KAT14: variants seen among roughly 807,000 people sequenced by gnomAD.
KAT14 encodes lysine acetyltransferase 14.
In KAT14, 66 loss-of-function variants were observed where a neutral mutation model predicts 78.4. The observed-to-expected ratio is 0.84, with a 90% CI of 0.69 to 1.03. The LOEUF (loss-of-function observed/expected upper bound fraction) is 1.03. Among genes scored for constraint, KAT14 ranks in the 50% least tolerant of loss-of-function variants. The pLI, the probability that KAT14 is intolerant of heterozygous loss-of-function variation, is 0.00. For missense variants in KAT14, 870 were observed against 972.5 expected (o/e 0.89, Z 1.40); for synonymous variants, 344 against 359.4 (o/e 0.96, Z 0.48).
chr20:18,186,759 G>C (rs76425071), intron 10 of KAT14, among the ~76,000 whole-genome samples: 1,554 of 152,240 alleles, frequency 0.01, 26 homozygotes, highest in African/African-American at 0.036. Flanking sequence ...AGAGACAGAA[G>C]GTGGACTTTG....
chr20:18,159,337 T>G, intron 5 of KAT14, 72 bp downstream of exon 5: 1 of 1,532,540 alleles, frequency 6.5e-7, no homozygotes, highest in South Asian at 1.3e-5. Flanking sequence ...CAGGAGACGC[T>G]CCTGCTTCCA....
chr20:18,162,005 C>T lies in KAT14; in HGVS notation c.865C>T (p.Pro289Ser). ...GFLDRSTSST[P>S]VKFISRGRRP... ...TCTTGACAGGAGCACATCTTCTACC[C>T]CTGTAAAATTCATAAGCCGAGGCCG... The change falls in exon 6 of 11, where the codon CCT becomes TCT. Residue 289 changes from proline to serine, a missense_variant. Transcript: ENST00000688188. The T allele has an allele frequency of 6.2e-7, 1 of 1,614,248 alleles. No homozygotes were observed. Among genetic ancestry groups the T allele is most frequent in the Non-Finnish European group, 8.5e-7 (1 of 1,180,048 alleles).
chr20:18,140,788 C>T lies in KAT14; in HGVS notation c.-453-1420C>T, dbSNP rs561630327. On this transcript the variant is annotated intron_variant, in intron 1 of 10. Coordinates refer to ENST00000688188, the MANE Select transcript of KAT14 (RefSeq NM_001392073.1). ...GATCGTGCCATGGAGCCAAGATCTC[C>T]AGCCTGGGTGACAGAACGAGACTCC... Among the ~76,000 whole-genome samples, 261 of 133,908 alleles carry T rather than the reference C, an allele frequency of 1.9e-3. 1 individual carries two copies. Among genetic ancestry groups the T allele is most frequent in the East Asian group, 9.3e-4 (4 of 4,282 alleles). The allele number at this position is 133,908 out of a possible 152,430, so 87.8% of individuals were successfully genotyped here.
intron 7 of KAT14, among the ~76,000 whole-genome samples, chr20:18,164,133 G>A (rs1040396701): frequency 2.0e-5 from 3 of 152,172 alleles, no homozygotes; most frequent in Non-Finnish European, 2.9e-5. Flanking sequence ...CCCTACTCCA[G>A]ATAGATCCTC....
In KAT14 at chr20:18,137,894, T is replaced by C; in HGVS notation, c.-611T>C. ...GGGCAGTACAGGCGGCGGTGCGCACTCTGCGGCGGCCTCTGCGCCTCGGGC... is the reference window on the plus strand; with the variant it reads ...GGGCAGTACAGGCGGCGGTGCGCACCCTGCGGCGGCCTCTGCGCCTCGGGC... On this transcript the variant is annotated 5_prime_UTR_variant, in exon 1 of 11. Coordinates refer to ENST00000688188, the MANE Select transcript of KAT14 (RefSeq NM_001392073.1). 7.0e-7 allele frequency: 1 copy of C among 1,426,950 alleles called. No homozygotes were observed. The highest frequency in any genetic ancestry group is 9.1e-7 in the Non-Finnish European group (1 of 1,094,138). The allele number at this position is 1,426,950 out of a possible 1,614,324, so 88.4% of individuals were successfully genotyped here.
chr20:18,168,978 C>CT (rs1359781311), intron 7 of KAT14, among the ~76,000 whole-genome samples: 3 of 151,920 alleles, frequency 2.0e-5, no homozygotes, highest in Non-Finnish European at 2.9e-5. Context: ...CTCGGATAGT[C>CT]TGTTTTGTTC....
chr20:18,137,915 C>G lies in KAT14; in HGVS notation c.-590C>G, dbSNP rs769466978. On this transcript the variant is annotated 5_prime_UTR_variant, in exon 1 of 11. Transcript: ENST00000688188. ...GCACTCTGCGGCGGCCTCTGCGCCT[C>G]GGGCGGGCGGGAGAGAGAGGCCGCG... The G allele has an allele frequency of 7.6e-4, 1,105 of 1,460,102 alleles. 2 individuals are homozygous for G. Among genetic ancestry groups the G allele is most frequent in the Non-Finnish European group, 6.5e-4 (727 of 1,113,172 alleles). 90.4% of individuals were successfully genotyped at this position (1,460,102 alleles called of 1,614,324 possible).
chr20:18,165,698 AG>A (rs1432344933), intron 7 of KAT14, among the ~76,000 whole-genome samples: 1 of 152,186 alleles, frequency 6.6e-6, no homozygotes, highest in Non-Finnish European at 1.5e-5. Context: ...TCACTGGCCA[AG>A]GTCACTAGGG....
Position 18,150,394 on chromosome 20 carries a change from G to A in KAT14, c.379-427G>A, listed in dbSNP as rs117127641. On this transcript the variant is annotated intron_variant, in intron 3 of 10. Transcript: ENST00000688188. ...TTCAAGATATTTGATAAAGGGTAGT[G>A]CCGTTGGTCAGAAAATGCTGGCTGG... 3.9e-4 allele frequency among the ~76,000 whole-genome samples: 59 copies of A among 152,310 alleles called. No individual in the cohort carries two copies. The East Asian group carries it at 0.011, about 29-fold the overall frequency.
chr20:18,169,268 T>G (rs114486581), intron 7 of KAT14, among the ~76,000 whole-genome samples: 1,757 of 152,340 alleles, frequency 0.012, 44 homozygotes, highest in African/African-American at 0.04. Flanking sequence ...TATCTTGTTT[T>G]ATTCACATTG....
In KAT14 at chr20:18,150,932, C is replaced by A. The variant is rs769456314; in HGVS notation, c.490C>A (p.Leu164Ile). ...TATTGAGAAACATTGGACTTTTTTA[C>A]TAGGGAATAGGTAATGTGTTTTTAA... The part of the protein sequence containing the change: ...AFIEKHWTFL[L>I]GNRKKTSTWW... Residue 164 changes from leucine (L) to isoleucine (I), a missense_variant, in exon 4 of 11, where the codon CTA (leucine) becomes ATA (isoleucine). Physicochemically the swap from Leu to Ile is conservative, Grantham distance 5. Transcript: ENST00000688188. The A allele has an allele frequency of 3.1e-6, 5 of 1,613,808 alleles. No homozygotes were observed. The highest frequency in any genetic ancestry group is 4.2e-6 in the Non-Finnish European group (5 of 1,179,902).
At chr20:18,143,617 T>TA (rs2037682072) in intron 2 of KAT14, among the ~76,000 whole-genome samples, 1 of 119,016 alleles carries the variant, frequency 8.4e-6, no homozygotes, top group Non-Finnish European at 1.8e-5. Flanking sequence ...CCTGGCTAAT[T>TA]TTTTTTTTTA....
At chr20:18,145,520 G>A (rs897402069) in intron 3 of KAT14, among the ~76,000 whole-genome samples, 169 bp downstream of exon 3, 5 of 152,088 alleles carry the variant, frequency 3.3e-5, no homozygotes, top group Non-Finnish European at 7.4e-5. Context: ...AAAAATACTC[G>A]CTGTAATCCC....
chr20:18,173,880 C>T (rs1175015927), intron 7 of KAT14, among the ~76,000 whole-genome samples: 4 of 152,142 alleles, frequency 2.6e-5, no homozygotes. Context: ...TTAAAGTGTA[C>T]AGTTGACGGG....
At position 18,187,829 on chromosome 20, in the gene KAT14, C is replaced by G; in HGVS notation, c.*370C>G. The G allele has an allele frequency of 3.8e-6, 1 of 263,194 alleles. No individual in the cohort carries two copies. The highest frequency in any genetic ancestry group is 4.3e-5 in the South Asian group (1 of 23,062). 16.3% of individuals were successfully genotyped at this position (263,194 alleles called of 1,614,324 possible). On this transcript the variant is annotated 3_prime_UTR_variant, in exon 11 of 11. Transcript: ENST00000688188. ...TAAAGGATGAGAAAATGTGGTGTAG[C>G]TATTAAAGATTCATGCAGTCCCAAA...
chr20:18,164,435 T>C (rs1416642797), intron 7 of KAT14, among the ~76,000 whole-genome samples: 2 of 152,158 alleles, frequency 1.3e-5, no homozygotes, highest in Non-Finnish European at 2.9e-5. Flanking sequence ...TCACAATCCA[T>C]AGTCATACCC....
At chr20:18,187,021 C>G (rs1288655985) in intron 10 of KAT14, among the ~76,000 whole-genome samples, 1 of 152,130 alleles carries the variant, frequency 6.6e-6, no homozygotes, top group East Asian at 1.9e-4. Flanking sequence ...CTGACAATAA[C>G]AATATCCCCA....
At chr20:18,175,229 T>C (rs936457988) in intron 7 of KAT14, among the ~76,000 whole-genome samples, 1 of 152,168 alleles carries the variant, frequency 6.6e-6, no homozygotes, top group African/African-American at 2.4e-5. Flanking sequence ...GTGCTGCTTT[T>C]AATCTCCCTC....
chr20:18,138,430 G>T lies in KAT14; in HGVS notation c.-454+379G>T, dbSNP rs376762967. 3.3e-4 allele frequency: 328 copies of T among 1,005,444 alleles called. No individual in the cohort carries two copies. In the African/African-American group the frequency reaches 5.3e-3, roughly 16 times the overall value. The allele number at this position is 1,005,444 out of a possible 1,614,324, so 62.3% of individuals were successfully genotyped here. A position where few individuals can be genotyped will look rare whatever the true frequency, so the allele number is the denominator to read the frequency against. Reference sequence around the variant, plus strand: ...GACCTTTCCACATCTCACTTGGGCCGCTAGAAAATAGAAGGTGGGGAAGGA... The same window carrying T: ...GACCTTTCCACATCTCACTTGGGCCTCTAGAAAATAGAAGGTGGGGAAGGA... On this transcript the variant is annotated intron_variant, in intron 1 of 10. Transcript: ENST00000688188.
Sources: gnomAD v4.1 joint callset for allele counts (sites outside exome capture counted in the v4.1 genomes callset) on GRCh38, gnomAD v4.1.1 for gene constraint, MANE v1.5 for transcripts, NCBI Gene and HGNC (gene_info 2026-07-23, HGNC 2026-07-21) for gene names.